Variants in SLCO6A1 observed in about 807,000 individuals in gnomAD.
The protein encoded by SLCO6A1 is solute carrier organic anion transporter family member 6A1, also known as cancer/testis antigen 48.
A neutral mutation model predicts 72.7 loss-of-function variants in SLCO6A1; 65 were observed. The ratio of observed to expected loss-of-function variants is 0.89; its 90% CI spans 0.73 to 1.10. The LOEUF (loss-of-function observed/expected upper bound fraction) is 1.10. Among genes scored for constraint, SLCO6A1 ranks in the 50% least tolerant of loss-of-function variants. The probability of loss-of-function intolerance (pLI) is 0.00; values close to 1 mark genes in which losing one functional copy is unlikely to be tolerated. For missense variants in SLCO6A1, 874 were observed against 872.6 expected (o/e 1.00, Z -0.02); for synonymous variants, 314 against 298.2 (o/e 1.05, Z -0.55).
chr5:102,398,008 CTA>C (rs1747191652), intron 10 of SLCO6A1, among the ~76,000 whole-genome samples: 1 of 152,084 alleles, frequency 6.6e-6, no homozygotes, highest in Admixed American at 6.6e-5. Flanking sequence ...AGAACACTAA[CTA>C]ATAAATGTTC....
chr5:102,405,849 T>C (rs759084979), intron 9 of SLCO6A1, among the ~76,000 whole-genome samples: 1 of 152,090 alleles, frequency 6.6e-6, no homozygotes, highest in Non-Finnish European at 1.5e-5. Flanking sequence ...TTTGAATATA[T>C]GTATAGCTAT....
intron 1 of SLCO6A1, 125 bp from the exon 2 acceptor site, chr5:102,480,559 G>T: frequency 1.0e-6 from 1 of 953,162 alleles, no homozygotes; most frequent in Non-Finnish European, 1.5e-6. Context: ...ATGTTTAAAA[G>T]CTATAAGCAA....
chr5:102,478,114 G>C (rs779388789), intron 2 of SLCO6A1, among the ~76,000 whole-genome samples: 8 of 152,022 alleles, frequency 5.3e-5, no homozygotes, highest in Non-Finnish European at 1.2e-4. Flanking sequence ...GAAGTGAGAG[G>C]ATTGTGACAA....
intron 6 of SLCO6A1, among the ~76,000 whole-genome samples, chr5:102,457,632 G>C (rs1750798607): frequency 6.6e-6 from 1 of 152,140 alleles, no homozygotes; most frequent in Non-Finnish European, 1.5e-5. Context: ...GGAGAAATAG[G>C]AACACTTTTA....
At chr5:102,395,851 G>A (rs1426780573) in intron 10 of SLCO6A1, among the ~76,000 whole-genome samples, 1 of 152,130 alleles carries the variant, frequency 6.6e-6, no homozygotes, top group Non-Finnish European at 1.5e-5. Flanking sequence ...TTTGAGAAAT[G>A]TCTGTTCATA....
Position 102,388,695 on chromosome 5 carries a change from T to C in SLCO6A1, c.2010A>G (p.Val670=). 1.9e-6 allele frequency: 3 copies of C among 1,575,130 alleles called. No homozygotes were observed. Among genetic ancestry groups the C allele is most frequent in the Non-Finnish European group, 2.6e-6 (3 of 1,163,216 alleles). Reference sequence around the variant, plus strand: ...TTAATAAGTATCACTTACATATTCCTACCAATAAGAAAGCCATTTTTGTCT... The same window carrying C: ...TTAATAAGTATCACTTACATATTCCCACCAATAAGAAAGCCATTTTTGTCT... ...YNKTKMAFLL[V]GICFLCKLCT... The change falls in exon 12 of 14, where the codon GTA becomes GTG. Residue 670 remains valine (V), a synonymous_variant. Transcript: ENST00000506729.
In SLCO6A1 at chr5:102,388,619, T is replaced by C. The variant is rs569799946; in HGVS notation, c.2017+69A>G. 1.0e-5 allele frequency: 12 copies of C among 1,145,004 alleles called. No individual in the cohort carries two copies. In the African/African-American group the frequency reaches 1.4e-4, roughly 14 times the overall value. 70.9% of individuals were successfully genotyped at this position (1,145,004 alleles called of 1,614,324 possible). On this transcript the variant is annotated intron_variant, in intron 12 of 13. Coordinates refer to ENST00000506729, the MANE Select transcript of SLCO6A1 (RefSeq NM_173488.5). ...CATGGTTTAAAATTATAATTCTACA[T>C]TACTATTAACAACCATAACTTTTAG...
chr5:102,458,278 C>A, intron 6 of SLCO6A1, 104 bp downstream of exon 6: 4 of 802,504 alleles, frequency 5.0e-6, no homozygotes, highest in Non-Finnish European at 7.9e-6. Flanking sequence ...AAAGTCTCAC[C>A]CAGATTTAGG....
intron 1 of SLCO6A1, among the ~76,000 whole-genome samples, chr5:102,494,702 C>G: frequency 6.6e-6 from 1 of 152,128 alleles, no homozygotes; most frequent in East Asian, 1.9e-4. Flanking sequence ...ACAGTGAGAT[C>G]CCATTATACA....
intron 2 of SLCO6A1, among the ~76,000 whole-genome samples, chr5:102,479,093 A>G (rs956666250): frequency 6.6e-6 from 1 of 152,118 alleles, no homozygotes; most frequent in Admixed American, 6.5e-5. Context: ...GTGGAATTGT[A>G]ATTCCCAATG....
chr5:102,392,844 T>C (rs146246978), intron 10 of SLCO6A1, among the ~76,000 whole-genome samples: 18 of 152,236 alleles, frequency 1.2e-4, no homozygotes, highest in Non-Finnish European at 2.1e-4. Context: ...ATTTATATTT[T>C]TAATCCATAT....
intron 1 of SLCO6A1, among the ~76,000 whole-genome samples, chr5:102,495,626 T>G (rs1752875860): frequency 6.6e-6 from 1 of 152,024 alleles, no homozygotes; most frequent in South Asian, 2.1e-4. Flanking sequence ...ATTAAATAAA[T>G]AAATAATAAA....
chr5:102,428,770 G>A (rs933773892), intron 7 of SLCO6A1, among the ~76,000 whole-genome samples: 1 of 152,100 alleles, frequency 6.6e-6, no homozygotes, highest in Non-Finnish European at 1.5e-5. Context: ...ATGCATGCAT[G>A]TGTCTTTGTA....
In SLCO6A1 at chr5:102,458,371, T is replaced by G. The variant is rs772503615; in HGVS notation, c.1131+11A>C. 2.5e-6 allele frequency: 4 copies of G among 1,578,386 alleles called. No individual in the cohort carries two copies. In the East Asian group the frequency reaches 9.0e-5, roughly 35 times the overall value. ...TTAGTTGGATTGTTCAAGTAAAATA[T>G]TTTACTTTACCCAAAGAGCAGCACA... On this transcript the variant is annotated intron_variant, in intron 6 of 13. Transcript: ENST00000506729.
At chr5:102,407,556 A>G (rs1747737788) in intron 9 of SLCO6A1, among the ~76,000 whole-genome samples, 1 of 152,174 alleles carries the variant, frequency 6.6e-6, no homozygotes, top group Non-Finnish European at 1.5e-5. Flanking sequence ...TTACTCAATT[A>G]TATTCTATGG....
chr5:102,475,940 AAGACAG>A (rs1292478427), intron 3 of SLCO6A1, 147 bp from the exon 4 acceptor site: 1 of 488,576 alleles, frequency 2.0e-6, no homozygotes, highest in Non-Finnish European at 3.5e-6. Context: ...AAATCAATAA[AAGACAG>A]AGAAAAACAG....
intron 5 of SLCO6A1, among the ~76,000 whole-genome samples, chr5:102,459,357 C>A (rs1426022227): frequency 3.3e-5 from 5 of 152,220 alleles, no homozygotes; most frequent in South Asian, 4.1e-4. Context: ...AAGTTTGAGT[C>A]TGCAGTGATC....
intron 6 of SLCO6A1, among the ~76,000 whole-genome samples, chr5:102,439,339 T>C (rs1000855315): frequency 1.3e-5 from 2 of 152,088 alleles, no homozygotes; most frequent in Non-Finnish European, 2.9e-5. Context: ...TTTATTATTA[T>C]CTAATATACT....
intron 6 of SLCO6A1, among the ~76,000 whole-genome samples, chr5:102,448,987 G>A (rs1307006399): frequency 6.6e-6 from 1 of 152,096 alleles, no homozygotes; most frequent in Non-Finnish European, 1.5e-5. Context: ...GTGTGTTTTT[G>A]TGGTGGTCAG....
Sources: gnomAD v4.1 joint callset for allele counts (sites outside exome capture counted in the v4.1 genomes callset) on GRCh38, gnomAD v4.1.1 for gene constraint, MANE v1.5 for transcripts, NCBI Gene and HGNC (gene_info 2026-07-23, HGNC 2026-07-21) for gene names.